The following DNAJB6 variants were observed in gnomAD, a reference collection of about 807,000 sequenced individuals.
The protein encoded by DNAJB6 is DnaJ heat shock protein family (Hsp40) member B6, also known as dnaJ homolog subfamily B member 6.
Under a neutral mutation model 42.7 loss-of-function variants are expected in DNAJB6, and 16 were observed. That is an observed-to-expected ratio of 0.37 (90% CI 0.25 to 0.57). DNAJB6 has a LOEUF of 0.57. Ranked by LOEUF, DNAJB6 falls within the 20% of genes least tolerant of loss-of-function variation. The pLI, the probability that DNAJB6 is intolerant of heterozygous loss-of-function variation, is 0.74. For synonymous variants in DNAJB6, 170 were observed against 163.5 expected (o/e 1.04, Z -0.30); for missense variants, 347 against 416.8 (o/e 0.83, Z 1.46).
At chr7:157,361,773 C>G (rs552808462) in intron 2 of DNAJB6, among the ~76,000 whole-genome samples, 5 of 152,106 alleles carry the variant, frequency 3.3e-5, no homozygotes, top group South Asian at 2.1e-4. Context: ...TTCATTCATT[C>G]ATGCATTCAT....
chr7:157,362,171 T>C (rs1799636406), intron 2 of DNAJB6, among the ~76,000 whole-genome samples: 1 of 152,182 alleles, frequency 6.6e-6, no homozygotes. Flanking sequence ...GTTTTAACTC[T>C]GTTTAGATCT....
At chr7:157,366,476 T>C in intron 3 of DNAJB6, 26 bp from the exon 4 acceptor site, 1 of 1,612,084 alleles carries the variant, frequency 6.2e-7, no homozygotes, top group Non-Finnish European at 8.5e-7. Context: ...GAACTTGGCC[T>C]TACCGACTTT....
intron 8 of DNAJB6, among the ~76,000 whole-genome samples, chr7:157,388,497 T>C (rs1801187278): frequency 6.6e-6 from 1 of 152,234 alleles, no homozygotes; most frequent in Non-Finnish European, 1.5e-5. Context: ...CGTATCTGGT[T>C]GTGCACAGCC....
At chr7:157,382,176 C>G in intron 5 of DNAJB6, 70 bp from the exon 6 acceptor site, 1 of 1,468,294 alleles carries the variant, frequency 6.8e-7, no homozygotes, top group Non-Finnish European at 9.1e-7. Flanking sequence ...TTTTCTCTTA[C>G]TGTAGCTATC....
At chr7:157,405,778 G>A (rs540485489) in intron 8 of DNAJB6, among the ~76,000 whole-genome samples, 21 of 152,242 alleles carry the variant, frequency 1.4e-4, no homozygotes, top group Non-Finnish European at 2.8e-4. Flanking sequence ...CCGGGAGGCC[G>A]AGTCCGAGGC....
chr7:157,410,552 A>C (rs1397905225), intron 9 of DNAJB6: 1 of 164,040 alleles, frequency 6.1e-6, no homozygotes, highest in African/African-American at 2.4e-5. Flanking sequence ...GGAGCCGGAT[A>C]GTCTCTGAAG....
intron 8 of DNAJB6, among the ~76,000 whole-genome samples, chr7:157,408,918 G>A (rs1214217958): frequency 2.4e-4 from 37 of 152,234 alleles, no homozygotes; most frequent in Non-Finnish European, 7.3e-5. Context: ...GAAGTGCTGG[G>A]TGCGACAGTC....
intron 2 of DNAJB6, among the ~76,000 whole-genome samples, chr7:157,360,723 C>T (rs1336720691): frequency 1.3e-5 from 2 of 152,084 alleles, no homozygotes; most frequent in East Asian, 3.9e-4. Context: ...CTTGTGTACC[C>T]TTGGCTTTGT....
At chr7:157,360,698 G>A (rs1163120404) in intron 2 of DNAJB6, among the ~76,000 whole-genome samples, 1 of 152,214 alleles carries the variant, frequency 6.6e-6, no homozygotes, top group Non-Finnish European at 1.5e-5. Flanking sequence ...CTATGGGGGC[G>A]TGCTGTTAGT....
chr7:157,347,950 C>T (rs1289624313), intron 1 of DNAJB6, among the ~76,000 whole-genome samples: 1 of 151,706 alleles, frequency 6.6e-6, no homozygotes, highest in African/African-American at 2.4e-5. Flanking sequence ...TGCACACCAC[C>T]ATGCCTAGCT....
At chr7:157,339,281 CTTTTTTTTTTT>C (rs34284253) in intron 1 of DNAJB6, among the ~76,000 whole-genome samples, 146 of 68,288 alleles carry the variant, frequency 2.1e-3, no homozygotes, top group African/African-American at 6.8e-3. Flanking sequence ...CTGTTTGCAC[CTTTTTTTTTTT>C]TTTTTTTTTT....
chr7:157,347,914 G>A (rs1281444933), intron 1 of DNAJB6, among the ~76,000 whole-genome samples: 1 of 151,922 alleles, frequency 6.6e-6, no homozygotes, highest in African/African-American at 2.4e-5. Flanking sequence ...TTCTGCCTCA[G>A]CCTCCCGAGT....
intron 7 of DNAJB6, 25 bp downstream of exon 7, chr7:157,385,033 AT>A: frequency 6.2e-7 from 1 of 1,606,802 alleles, no homozygotes; most frequent in African/African-American, 1.3e-5. Context: ...TGCATTTTAT[AT>A]TTTTAGTAAG....
chr7:157,392,164 A>G (rs927719053), intron 8 of DNAJB6, among the ~76,000 whole-genome samples: 1 of 151,650 alleles, frequency 6.6e-6, no homozygotes, highest in African/African-American at 2.4e-5. Context: ...CCTATCAACA[A>G]CGGATTGGGG....
chr7:157,405,291 T>C (rs1200742538), intron 8 of DNAJB6, among the ~76,000 whole-genome samples: 1 of 152,188 alleles, frequency 6.6e-6, no homozygotes, highest in Non-Finnish European at 1.5e-5. Flanking sequence ...AGGGTGTTGC[T>C]GTGGGAAGTG....
At chr7:157,409,333 T>C (rs568095179) in intron 8 of DNAJB6, among the ~76,000 whole-genome samples, 1 of 152,318 alleles carries the variant, frequency 6.6e-6, no homozygotes, top group East Asian at 1.9e-4. Context: ...GCGCCGCCGC[T>C]GCTGCCACAG....
intron 8 of DNAJB6, among the ~76,000 whole-genome samples, chr7:157,401,808 C>T (rs1360238112): frequency 6.6e-6 from 1 of 152,240 alleles, no homozygotes; most frequent in Non-Finnish European, 1.5e-5. Flanking sequence ...GCCCTGACCT[C>T]TGCAGCAGCG....
chr7:157,345,721 A>G (rs1584877826), intron 1 of DNAJB6, among the ~76,000 whole-genome samples: 1 of 152,282 alleles, frequency 6.6e-6, no homozygotes, highest in East Asian at 1.9e-4. Context: ...AATTGTGTAT[A>G]ATTTTAATGA....
At chr7:157,400,825 C>T (rs1039637939) in intron 8 of DNAJB6, among the ~76,000 whole-genome samples, 2 of 152,196 alleles carry the variant, frequency 1.3e-5, no homozygotes, top group South Asian at 2.1e-4. Flanking sequence ...TCGCTGAATC[C>T]TGCAGAGGGG....
Sources: allele counts gnomAD v4.1 joint callset (sites outside exome capture counted in the v4.1 genomes callset), GRCh38; gene constraint gnomAD v4.1.1; transcripts MANE v1.5; gene names NCBI Gene and HGNC (gene_info 2026-07-23, HGNC 2026-07-21).